The following TMUB2 variants were observed in gnomAD, a reference collection of about 807,000 sequenced individuals.
TMUB2 encodes transmembrane and ubiquitin like domain containing 2.
In TMUB2, 19 loss-of-function variants were observed where a neutral mutation model predicts 20.2. The ratio of observed to expected loss-of-function variants is 0.94; its 90% CI spans 0.66 to 1.38. The LOEUF (loss-of-function observed/expected upper bound fraction) is 1.38. Ranked by LOEUF, TMUB2 falls within the 40% of genes most tolerant of loss-of-function variation. The probability of loss-of-function intolerance (pLI) is 0.00; values close to 1 mark genes in which losing one functional copy is unlikely to be tolerated. For missense variants in TMUB2, 426 were observed against 402.5 expected, an observed-to-expected ratio of 1.06 and a Z score of -0.50; for synonymous variants, 186 against 166.0, an observed-to-expected ratio of 1.12 and a Z score of -0.92.
chr17:44,188,024 T>A (rs2054731595), intron 2 of TMUB2: 1 of 450,480 alleles, frequency 2.2e-6, no homozygotes. Context: ...ATAAGTATAA[T>A]GAAGTTTTAT....
rs2054685888 is a variant in TMUB2, at chr17:44,187,798, A to C, written c.35+55A>C. 4.2e-6 allele frequency: 3 copies of C among 717,928 alleles called. No homozygotes were observed. The South Asian group carries it at 4.4e-5, about 11-fold the overall frequency. The allele number at this position is 717,928 out of a possible 1,614,324, so 44.5% of individuals were successfully genotyped here. ...GATGAGAAAGCTGAGGCTCTGAGAA[A>C]GTTGTCTGAGGTGTTATAGCTAGTA... is the stretch of plus-strand genomic sequence containing the variant. On this transcript the variant is annotated intron_variant, in intron 2 of 3. Transcript: ENST00000538716.
At chr17:44,187,526 C>T (rs1294516130) in intron 1 of TMUB2, 150 bp from the exon 2 acceptor site, 2 of 617,824 alleles carry the variant, frequency 3.2e-6, no homozygotes, top group Non-Finnish European at 5.9e-6. Flanking sequence ...ACGAGAGTTC[C>T]CTGTGTCTGT....
Position 44,189,269 on chromosome 17 carries a change from G to A in TMUB2, c.283G>A (p.Glu95Lys), listed in dbSNP as rs781374981. The A allele has an allele frequency of 4.4e-6, 7 of 1,606,016 alleles. No homozygotes were observed. Among genetic ancestry groups the A allele is most frequent in the East Asian group, 2.2e-5 (1 of 44,844 alleles). Residue 95 changes from glutamate to lysine, a missense_variant, in exon 3 of 4, where the codon GAG becomes AAG. Coordinates refer to ENST00000538716, the MANE Select transcript of TMUB2 (RefSeq NM_001076674.3). Reference protein sequence around the residue: ...DHLVAGQGNPEPTELPHPSEG... With the variant: ...DHLVAGQGNPKPTELPHPSEG... The stretch of plus-strand genomic sequence containing the variant: ...CCTGGTGGCAGGCCAAGGCAACCCC[G>A]AGCCAACTGAACTCCCCCATCCATC...
intron 3 of TMUB2, 34 bp downstream of exon 3, chr17:44,189,622 C>T (rs2055067829): frequency 3.3e-6 from 5 of 1,521,184 alleles, no homozygotes; most frequent in African/African-American, 1.4e-5. Context: ...GCTGCTTGTG[C>T]TCATCCCCCA....
chr17:44,188,517 G>A (rs1009808692), intron 2 of TMUB2, among the ~76,000 whole-genome samples: 7 of 152,166 alleles, frequency 4.6e-5, no homozygotes, highest in Non-Finnish European at 1.5e-5. Flanking sequence ...AATGAAATAG[G>A]CTCAAATGAG....
Position 44,189,164 on chromosome 17 carries a change from G to A in TMUB2, c.178G>A (p.Asp60Asn), listed in dbSNP as rs145522005. 1.2e-6 allele frequency: 2 copies of A among 1,614,028 alleles called. No homozygotes were observed. The highest frequency in any genetic ancestry group is 1.3e-5 in the African/African-American group (1 of 74,900). The change falls in exon 3 of 4, where the codon GAC becomes AAC. Residue 60 changes from aspartate (D) to asparagine (N), a missense_variant. Coordinates refer to ENST00000538716, the MANE Select transcript of TMUB2 (RefSeq NM_001076674.3). ...VLAWLSTYVA[D>N]SGSNQLLGAI... The stretch of plus-strand genomic sequence containing the variant: ...AGCTTGGCTCTCTACCTACGTAGCA[G>A]ACAGCGGTAGCAACCAGCTCCTGGG...
At chr17:44,190,357 A>G in intron 3 of TMUB2, 144 bp from the exon 4 acceptor site, 1 of 845,994 alleles carries the variant, frequency 1.2e-6, no homozygotes, top group Non-Finnish European at 1.7e-6. Flanking sequence ...CTCAAAAAAA[A>G]AAAAAAAAAA....
rs2144411597 is a variant in TMUB2, at chr17:44,191,211, C to T, written c.*347C>T. 1.9e-6 allele frequency: 2 copies of T among 1,064,506 alleles called. No individual in the cohort carries two copies. Among genetic ancestry groups the T allele is most frequent in the Middle Eastern group, 4.5e-4 (1 of 2,228 alleles). 65.9% of individuals were successfully genotyped at this position (1,064,506 alleles called of 1,614,324 possible). A position where few individuals can be genotyped will look rare whatever the true frequency, so the allele number is the denominator to read the frequency against. Reference sequence around the variant, plus strand: ...TGACTCTTCCCAGTGTCCTGCATGTCTGCCCCCAGCACCCAGGGCTGCCTG... The same window carrying T: ...TGACTCTTCCCAGTGTCCTGCATGTTTGCCCCCAGCACCCAGGGCTGCCTG... On this transcript the variant is annotated 3_prime_UTR_variant, in exon 4 of 4. Coordinates refer to ENST00000538716, the MANE Select transcript of TMUB2 (RefSeq NM_001076674.3).
Position 44,190,841 on chromosome 17 carries a change from G to A in TMUB2, c.943G>A (p.Val315Ile). Reference sequence around the variant, plus strand: ...AGTCACCGTCTTCTTCAGCTTCCTAGTATTTGGGATGTATGGACGATAAGG... The same window carrying A: ...AGTCACCGTCTTCTTCAGCTTCCTAATATTTGGGATGTATGGACGATAAGG... The part of the protein sequence containing the change: ...VGVTVFFSFL[V>I]FGMYGR The change falls in exon 4 of 4, where the codon GTA (valine) becomes ATA (isoleucine). Residue 315 changes from valine (V) to isoleucine (I), a missense_variant. Coordinates refer to ENST00000538716, the MANE Select transcript of TMUB2 (RefSeq NM_001076674.3). The A allele has an allele frequency of 6.2e-7, 1 of 1,613,316 alleles. No individual in the cohort carries two copies. The highest frequency in any genetic ancestry group is 8.5e-7 in the Non-Finnish European group (1 of 1,179,564).
rs761020850 is a variant in TMUB2, at chr17:44,189,023, G to A, written c.37G>A (p.Val13Met). ...SRHLQNNLMS[V>M]DPASSQAMEL... is the part of the protein sequence containing the mutation. ...TGCTGTCCCCCTTTGTTCCTGCAGC[G>A]TGGACCCTGCCAGCAGCCAGGCCAT... The change falls in exon 3 of 4, where the codon GTG becomes ATG. Residue 13 changes from valine to methionine, a missense_variant and splice_region_variant. By Grantham distance (21) the Val-to-Met change is conservative. Coordinates refer to ENST00000538716, the MANE Select transcript of TMUB2 (RefSeq NM_001076674.3). The A allele has an allele frequency of 2.5e-5, 40 of 1,611,766 alleles. 1 individual carries two copies. The highest frequency in any genetic ancestry group is 1.3e-4 in the South Asian group (12 of 90,898).
chr17:44,187,168 C>G (rs920649609), intron 1 of TMUB2, 59 bp downstream of exon 1: 1 of 156,186 alleles, frequency 6.4e-6, no homozygotes, highest in Non-Finnish European at 1.4e-5. Context: ...TTTCCCATGA[C>G]TCCTCGCGTC....
Position 44,190,650 on chromosome 17 carries a change from G to A in TMUB2, c.752G>A (p.Gly251Asp). 6.2e-7 allele frequency: 1 copy of A among 1,614,196 alleles called. No homozygotes were observed. The highest frequency in any genetic ancestry group is 8.5e-7 in the Non-Finnish European group (1 of 1,180,036). Residue 251 changes from glycine to aspartate, a missense_variant, in exon 4 of 4, where the codon GGC (glycine) becomes GAC (aspartate). Gly to Asp is a moderately conservative substitution (Grantham distance 94). Coordinates refer to ENST00000538716, the MANE Select transcript of TMUB2 (RefSeq NM_001076674.3). Reference sequence around the variant, plus strand: ...TCACCCCCAGGGTCAGCTGTTCCAGGCCCCTCAGCCTCCTTGGCCCCCTCG... The same window carrying A: ...TCACCCCCAGGGTCAGCTGTTCCAGACCCCTCAGCCTCCTTGGCCCCCTCG... ...HRSPPGSAVP[G>D]PSASLAPSAT...
Position 44,190,551 on chromosome 17 carries a change from G to A in TMUB2, c.653G>A (p.Arg218His), listed in dbSNP as rs769881302. The A allele has an allele frequency of 8.1e-6, 13 of 1,613,294 alleles. No homozygotes were observed. In the Admixed American group the frequency reaches 8.3e-5, roughly 10 times the overall value. ...CAGATGAAACTGATCTACCAGGGCC[G>A]CCTGCTACAAGACCCAGCCCGCACA... is the stretch of plus-strand genomic sequence containing the variant. ...ESQMKLIYQG[R>H]LLQDPARTLR... The change falls in exon 4 of 4, where the codon CGC becomes CAC. Residue 218 changes from arginine (R) to histidine (H), a missense_variant. By Grantham distance (29) the Arg-to-His change is conservative. Transcript: ENST00000538716.
intron 3 of TMUB2, 40 bp downstream of exon 3, chr17:44,189,628 C>A (rs1253139541): frequency 6.6e-7 from 1 of 1,514,160 alleles, no homozygotes; most frequent in Non-Finnish European, 8.8e-7. Context: ...TGTGCTCATC[C>A]CCCAGCCCTT....
chr17:44,189,254 G>C lies in TMUB2; in HGVS notation c.268G>C (p.Gly90Arg). Residue 90 changes from glycine (G) to arginine (R), a missense_variant, in exon 3 of 4, where the codon GGC becomes CGC. Coordinates refer to ENST00000538716, the MANE Select transcript of TMUB2 (RefSeq NM_001076674.3). Reference sequence around the variant, plus strand: ...GGGGCATGTGGACCACCTGGTGGCAGGCCAAGGCAACCCCGAGCCAACTGA... The same window carrying C: ...GGGGCATGTGGACCACCTGGTGGCACGCCAAGGCAACCCCGAGCCAACTGA... ...HLGHVDHLVA[G>R]QGNPEPTELP... The C allele has an allele frequency of 6.2e-7, 1 of 1,610,482 alleles. No individual in the cohort carries two copies. Among genetic ancestry groups the C allele is most frequent in the Non-Finnish European group, 8.5e-7 (1 of 1,177,760 alleles).
chr17:44,189,276 C>G lies in TMUB2; in HGVS notation c.290C>G (p.Thr97Ser). Residue 97 changes from threonine (T) to serine (S), a missense_variant, in exon 3 of 4, where the codon ACT becomes AGT. By Grantham distance (58) the Thr-to-Ser change is moderately conservative (BLOSUM62 1). Transcript: ENST00000538716. ...GCAGGCCAAGGCAACCCCGAGCCAA[C>G]TGAACTCCCCCATCCATCAGAGGGT... Reference protein sequence around the residue: ...LVAGQGNPEPTELPHPSEGND... With the variant: ...LVAGQGNPEPSELPHPSEGND... 3 of 1,604,386 alleles carry G rather than the reference C, an allele frequency of 1.9e-6. No individual in the cohort carries two copies. Among genetic ancestry groups the G allele is most frequent in the Non-Finnish European group, 2.6e-6 (3 of 1,174,418 alleles).
chr17:44,191,380 AG>A lies in TMUB2; in HGVS notation c.*517del. The A allele has an allele frequency of 1.0e-6, 1 of 987,602 alleles. No individual in the cohort carries two copies. The highest frequency in any genetic ancestry group is 1.2e-6 in the Non-Finnish European group (1 of 831,052). 61.2% of individuals were successfully genotyped at this position (987,602 alleles called of 1,614,324 possible). The stretch of plus-strand genomic sequence containing the variant: ...TGCCAGCCTTCTCTTATGGGCACCT[AG>A]CCGCCTTCACCTTCTTCCTCTACCC... On this transcript the variant is annotated 3_prime_UTR_variant, in exon 4 of 4. Transcript: ENST00000538716.
At chr17:44,188,564 G>A (rs1159516806) in intron 2 of TMUB2, among the ~76,000 whole-genome samples, 1 of 152,170 alleles carries the variant, frequency 6.6e-6, no homozygotes, top group African/African-American at 2.4e-5. Context: ...TGCTTCCAGG[G>A]GGGCCCCACA....
chr17:44,191,021 C>T lies in TMUB2; in HGVS notation c.*157C>T, dbSNP rs948123152. 6.9e-6 allele frequency: 10 copies of T among 1,457,792 alleles called. No homozygotes were observed. In the East Asian group the frequency reaches 1.7e-4, roughly 24 times the overall value. 90.3% of individuals were successfully genotyped at this position (1,457,792 alleles called of 1,614,324 possible). On this transcript the variant is annotated 3_prime_UTR_variant, in exon 4 of 4. Coordinates refer to ENST00000538716, the MANE Select transcript of TMUB2 (RefSeq NM_001076674.3). ...ACAGGAGGCAAGTATGCGGCCTCCC[C>T]TTCTCATCCACAGGAGTACAGATGT...
Sources: allele counts gnomAD v4.1 joint callset (sites outside exome capture counted in the v4.1 genomes callset), GRCh38; gene constraint gnomAD v4.1.1; transcripts MANE v1.5; gene names NCBI Gene and HGNC (gene_info 2026-07-23, HGNC 2026-07-21).